Variants in COL24A1 observed in about 807,000 individuals in gnomAD.
COL24A1 encodes the protein collagen type XXIV alpha 1 chain.
COL24A1 carries 224 observed loss-of-function variants against 253.9 expected under a neutral mutation model. That is an observed-to-expected ratio of 0.88 (90% confidence interval 0.79 to 0.99). The LOEUF (loss-of-function observed/expected upper bound fraction) is 0.99, where lower values mean the gene tolerates loss of function less well. Ranked by LOEUF, COL24A1 falls within the 50% of genes least tolerant of loss-of-function variation. COL24A1 has a pLI of 0.00. For missense variants in COL24A1, 2,131 were observed against 2,068.5 expected (o/e 1.03, Z -0.59); for synonymous variants, 685 against 673.7 (o/e 1.02, Z -0.26).
intron 24 of COL24A1, among the ~76,000 whole-genome samples, chr1:85,924,942 T>C (rs778866217): frequency 8.8e-4 from 134 of 152,210 alleles, no homozygotes; most frequent in African/African-American, 1.4e-3. Context: ...CAGCCCCAAA[T>C]CTCCTTAAGC....
intron 52 of COL24A1, 72 bp downstream of exon 52, chr1:85,781,148 T>C: frequency 8.8e-7 from 1 of 1,132,592 alleles, no homozygotes; most frequent in South Asian, 1.6e-5. Flanking sequence ...AGGCTAATTC[T>C]TTGTAGAATA....
chr1:85,846,756 T>G (rs1249228106), intron 39 of COL24A1, among the ~76,000 whole-genome samples: 1 of 152,006 alleles, frequency 6.6e-6, no homozygotes, highest in East Asian at 1.9e-4. Flanking sequence ...ACGTGTCAAA[T>G]TAAAAAATTA....
intron 52 of COL24A1, among the ~76,000 whole-genome samples, chr1:85,779,116 C>T (rs1668896563): frequency 6.6e-6 from 1 of 151,992 alleles, no homozygotes; most frequent in Admixed American, 6.6e-5. Flanking sequence ...AGCAATCCTC[C>T]CATCTTAGCC....
rs186304696 is a variant in COL24A1 at position 85,993,366 on chromosome 1, T to C, written c.2311-5712A>G. ...ACATATACACAAACTAATTACAATA[T>C]ATCCATAAAACGAACAGCCTAGATG... On this transcript the variant is annotated intron_variant, in intron 19 of 59. Coordinates refer to ENST00000370571, the MANE Select transcript of COL24A1 (RefSeq NM_152890.7). 3.3e-5 allele frequency among the ~76,000 whole-genome samples: 5 copies of C among 151,758 alleles called. No homozygotes were observed. The East Asian group carries it at 9.7e-4, about 29-fold the overall frequency.
intron 41 of COL24A1, 67 bp from the exon 42 acceptor site, chr1:85,841,345 T>C: frequency 9.0e-7 from 1 of 1,107,348 alleles, no homozygotes; most frequent in South Asian, 1.5e-5. Context: ...ACACACAACC[T>C]ACTATTTTTA....
chr1:86,024,497 G>A (rs562778694), intron 14 of COL24A1, among the ~76,000 whole-genome samples: 8 of 152,022 alleles, frequency 5.3e-5, no homozygotes, highest in Non-Finnish European at 8.8e-5. Flanking sequence ...ACAAATTTCA[G>A]AATGGAAAAT....
chr1:85,809,686 C>G (rs1040837313), intron 47 of COL24A1, among the ~76,000 whole-genome samples: 1 of 151,392 alleles, frequency 6.6e-6, no homozygotes, highest in Non-Finnish European at 1.5e-5. Context: ...TTTGGGTGTT[C>G]TGCTCCAATC....
Position 86,063,757 on chromosome 1 carries a change from A to G in COL24A1, c.1710T>C (p.Gly570=). 1 of 1,541,986 alleles carries G rather than the reference A, an allele frequency of 6.5e-7. No homozygotes were observed. Among genetic ancestry groups the G allele is most frequent in the Non-Finnish European group, 8.7e-7 (1 of 1,143,618 alleles). ...MGPPGMQGDK[G]LKGHPGLPGL... ...CTGGGAGTCCAGGATGTCCTTTGAG[A>G]CCCTGTAAAAGAATAAGTGGAGACA... Residue 570 remains glycine, a splice_region_variant and synonymous_variant, in exon 8 of 60, where the codon GGT becomes GGC. Coordinates refer to ENST00000370571, the MANE Select transcript of COL24A1 (RefSeq NM_152890.7).
At chr1:85,759,812 G>A (rs2101083676) in intron 55 of COL24A1, among the ~76,000 whole-genome samples, 1 of 152,304 alleles carries the variant, frequency 6.6e-6, no homozygotes, top group South Asian at 2.1e-4. Flanking sequence ...ACAGGGATAT[G>A]TGTCACACAG....
chr1:85,961,725 A>T (rs1190369446), intron 23 of COL24A1, among the ~76,000 whole-genome samples: 1 of 152,214 alleles, frequency 6.6e-6, no homozygotes, highest in Non-Finnish European at 1.5e-5. Flanking sequence ...CAGGAAGCTT[A>T]CAATCATGAT....
chr1:85,966,854 C>T (rs1011311923), intron 22 of COL24A1, among the ~76,000 whole-genome samples: 2 of 152,026 alleles, frequency 1.3e-5, no homozygotes, highest in Admixed American at 6.6e-5. Context: ...ATAGACAACA[C>T]TTTTGAGGAA....
At chr1:86,078,231 C>T (rs1330320633) in intron 7 of COL24A1, among the ~76,000 whole-genome samples, 1 of 152,046 alleles carries the variant, frequency 6.6e-6, no homozygotes, top group Non-Finnish European at 1.5e-5. Flanking sequence ...GCTGAAAAGG[C>T]ATTTGATAAA....
intron 7 of COL24A1, among the ~76,000 whole-genome samples, chr1:86,073,877 A>G (rs562375138): frequency 1.3e-5 from 2 of 152,350 alleles, no homozygotes; most frequent in East Asian, 3.9e-4. Context: ...ACTAAGCTTC[A>G]TAAATGAAGG....
At chr1:85,957,026 C>T (rs750528801) in intron 24 of COL24A1, among the ~76,000 whole-genome samples, 2 of 152,130 alleles carry the variant, frequency 1.3e-5, no homozygotes, top group Non-Finnish European at 2.9e-5. Context: ...CCACAGAATA[C>T]TATGCAGCCA....
intron 20 of COL24A1, among the ~76,000 whole-genome samples, chr1:85,976,457 T>C (rs1269741688): frequency 6.6e-6 from 1 of 151,856 alleles, no homozygotes; most frequent in East Asian, 1.9e-4. Context: ...CCACACCCCC[T>C]CCCCCACAGG....
At chr1:86,126,548 C>T (rs1648330109) in intron 2 of COL24A1, among the ~76,000 whole-genome samples, 1 of 152,056 alleles carries the variant, frequency 6.6e-6, no homozygotes, top group Non-Finnish European at 1.5e-5. Context: ...TTATAGCTCA[C>T]TGCAGCCTTG....
intron 47 of COL24A1, among the ~76,000 whole-genome samples, chr1:85,790,345 T>C (rs903204025): frequency 6.6e-5 from 10 of 152,202 alleles, no homozygotes; most frequent in Non-Finnish European, 1.5e-4. Flanking sequence ...TGCATAGAGG[T>C]GTTTATAGTA....
chr1:86,152,514 C>G (rs1312772998), intron 1 of COL24A1, among the ~76,000 whole-genome samples: 1 of 152,102 alleles, frequency 6.6e-6, no homozygotes, highest in Non-Finnish European at 1.5e-5. Flanking sequence ...TGCAAATATT[C>G]CAAAATCCAA....
At chr1:85,769,603 T>A (rs1238494192) in intron 53 of COL24A1, among the ~76,000 whole-genome samples, 1 of 151,630 alleles carries the variant, frequency 6.6e-6, no homozygotes, top group Non-Finnish European at 1.5e-5. Context: ...GGTAGAGAAA[T>A]AACAGGTACA....
Sources: gnomAD v4.1 joint callset for allele counts (sites outside exome capture counted in the v4.1 genomes callset) on GRCh38, gnomAD v4.1.1 for gene constraint, MANE v1.5 for transcripts, NCBI Gene and HGNC (gene_info 2026-07-23, HGNC 2026-07-21) for gene names.